The following PCDHGA8 variants were observed in gnomAD, a reference collection of about 807,000 sequenced individuals.
The protein encoded by PCDHGA8 is protocadherin gamma subfamily A, 8, also known as protocadherin gamma-A8.
In PCDHGA8, 45 loss-of-function variants were observed where a neutral mutation model predicts 59.2. The ratio of observed to expected loss-of-function variants is 0.76; its 90% CI spans 0.60 to 0.98. The LOEUF (loss-of-function observed/expected upper bound fraction) is 0.98, where lower values mean the gene tolerates loss of function less well. PCDHGA8 is among the 50% of genes least tolerant of loss of function. The pLI is 0.00. For missense variants in PCDHGA8, 1,257 were observed against 1,196.2 expected, an observed-to-expected ratio of 1.05 and a Z score of -0.75; for synonymous variants, 531 against 519.0, an observed-to-expected ratio of 1.02 and a Z score of -0.32.
At position 141,431,413 on chromosome 5, in the gene PCDHGA8, C is replaced by A; in HGVS notation, c.2424+36176C>A. ...TGGTCCTTACGGCCTCCGACGGGGG[C>A]GACCCGGTGCGCACAGGCACCGCGC... On this transcript the variant is annotated intron_variant, in intron 1 of 3. Transcript: ENST00000398604. This position sits in a 1 kb window ranked among gnomAD's most constrained non-coding sequence, Gnocchi z 4.8. The A allele has an allele frequency of 6.2e-7, 1 of 1,613,682 alleles. No homozygotes were observed. Among genetic ancestry groups the A allele is most frequent in the Non-Finnish European group, 8.5e-7 (1 of 1,180,044 alleles).
intron 1 of PCDHGA8, among the ~76,000 whole-genome samples, chr5:141,443,035 CTT>C (rs2098359592): frequency 6.6e-6 from 1 of 152,208 alleles, no homozygotes; most frequent in African/African-American, 2.4e-5. Context: ...CAGACCTAAA[CTT>C]TGAAAATTAT....
intron 1 of PCDHGA8, among the ~76,000 whole-genome samples, chr5:141,472,980 C>CAAAAAAAAAAAAAAAAGAAAAAAA (rs2099308501): frequency 2.3e-5 from 2 of 86,104 alleles, no homozygotes; most frequent in African/African-American, 7.8e-5. Flanking sequence ...GAGTGAAACT[C>CAAAAAAAAAAAAAAAAGAAAAAAA]AAAAAAAAAA....
intron 1 of PCDHGA8, chr5:141,418,614 G>C: frequency 1.2e-6 from 2 of 1,613,994 alleles, no homozygotes; most frequent in Non-Finnish European, 1.7e-6. Flanking sequence ...GTTAGCCTTC[G>C]GGAAGACGTG....
Position 141,463,645 on chromosome 5 carries a change from G to T in PCDHGA8, c.2425-31162G>T, listed in dbSNP as rs372962993. ...TTGTATTTTGTTTAGTAGAGACGGG[G>T]TTTCACCGTGTTAGCCAGGATGGTC... On this transcript the variant is annotated intron_variant, in intron 1 of 3. Transcript: ENST00000398604. 7.9e-5 allele frequency among the ~76,000 whole-genome samples: 12 copies of T among 151,840 alleles called. No individual in the cohort carries two copies. In the East Asian group the frequency reaches 2.1e-3, roughly 27 times the overall value.
At position 141,487,362 on chromosome 5, in the gene PCDHGA8, C is replaced by T; in HGVS notation, c.2425-7445C>T. On this transcript the variant is annotated intron_variant, in intron 1 of 3. Transcript: ENST00000398604. The surrounding 1 kb of genome is among the most constrained non-coding windows in gnomAD (Gnocchi z 5.0). The stretch of plus-strand genomic sequence containing the variant: ...GGAGTCACATGCTTTCCTGCTGGCA[C>T]CTGTGCCTGTCTCACCAGATCTCGA... 3 of 1,614,200 alleles carry T rather than the reference C, an allele frequency of 1.9e-6. No homozygotes were observed. Among genetic ancestry groups the T allele is most frequent in the Non-Finnish European group, 2.5e-6 (3 of 1,180,044 alleles).
rs757468959 is a variant in PCDHGA8, at chr5:141,395,139, G to A, written c.2326G>A (p.Ala776Thr). The change falls in exon 1 of 4, where the codon GCA becomes ACA. Residue 776 changes from alanine to threonine, a missense_variant. Ala to Thr is a moderately conservative substitution (Grantham distance 58). Coordinates refer to ENST00000398604, the MANE Select transcript of PCDHGA8 (RefSeq NM_032088.2). The part of the protein sequence containing the change: ...SHLIFPQPNY[A>T]DMLISQEGCE... ...CCTGATCTTTCCCCAGCCCAACTAC[G>A]CAGACATGCTCATCAGTCAGGAGGG... 10 of 1,614,026 alleles carry A rather than the reference G, an allele frequency of 6.2e-6. No homozygotes were observed. In the East Asian group the frequency reaches 1.3e-4, roughly 22 times the overall value.
At chr5:141,435,314 G>T (rs1490871069) in intron 1 of PCDHGA8, among the ~76,000 whole-genome samples, 6 of 152,006 alleles carry the variant, frequency 3.9e-5, no homozygotes, top group African/African-American at 9.7e-5. Flanking sequence ...AATCATTCAT[G>T]AACTTCCAAA....
intron 1 of PCDHGA8, chr5:141,422,849 C>A: frequency 1.2e-6 from 2 of 1,614,238 alleles, no homozygotes; most frequent in Non-Finnish European, 8.5e-7. Context: ...AGCGGGGACC[C>A]GCCCCTCAGC....
At chr5:141,497,079 C>T (rs564690352) in intron 2 of PCDHGA8, among the ~76,000 whole-genome samples, 2 of 151,982 alleles carry the variant, frequency 1.3e-5, no homozygotes, top group African/African-American at 4.8e-5. Flanking sequence ...ATCCCAGCGA[C>T]TTAGGAGGCT....
At chr5:141,509,163 C>T (rs561329093) in intron 3 of PCDHGA8, among the ~76,000 whole-genome samples, 1 of 152,204 alleles carries the variant, frequency 6.6e-6, no homozygotes, top group East Asian at 1.9e-4. Context: ...CTCCCGTGTG[C>T]CCTCCTCCTC....
At chr5:141,409,317 G>A in intron 1 of PCDHGA8, 2 of 1,613,940 alleles carry the variant, frequency 1.2e-6, no homozygotes, top group Non-Finnish European at 1.7e-6. Flanking sequence ...TTCAAAACAC[G>A]GGATCTGGAT....
At chr5:141,397,699 C>A (rs1304915257) in intron 1 of PCDHGA8, among the ~76,000 whole-genome samples, 1 of 152,158 alleles carries the variant, frequency 6.6e-6, no homozygotes, top group Non-Finnish European at 1.5e-5. Flanking sequence ...AAAAACCCAA[C>A]GTGATATTTC....
chr5:141,409,220 G>A (rs1327857530), intron 1 of PCDHGA8: 1 of 1,613,988 alleles, frequency 6.2e-7, no homozygotes, highest in Non-Finnish European at 8.5e-7. Context: ...AATCCTTGAT[G>A]AAAACGACAA....
intron 1 of PCDHGA8, among the ~76,000 whole-genome samples, chr5:141,401,123 C>A (rs1289456548): frequency 1.3e-5 from 2 of 152,156 alleles, no homozygotes; most frequent in Non-Finnish European, 2.9e-5. Flanking sequence ...GCGGTTGGAT[C>A]ACATGGTCAG....
intron 1 of PCDHGA8, chr5:141,398,109 G>T: frequency 6.3e-7 from 1 of 1,594,204 alleles, no homozygotes; most frequent in Non-Finnish European, 8.5e-7. Context: ...TGGTGAGCAA[G>T]CTGAGGAGAG....
intron 1 of PCDHGA8, chr5:141,424,465 A>G (rs564844819): frequency 1.3e-5 from 2 of 152,146 alleles, no homozygotes; most frequent in Admixed American, 6.5e-5. Context: ...ATTTCCTTTT[A>G]TTCTTTTACT....
chr5:141,429,314 C>A (rs1463397731), intron 1 of PCDHGA8, among the ~76,000 whole-genome samples: 2 of 151,722 alleles, frequency 1.3e-5, no homozygotes, highest in Admixed American at 6.6e-5. Flanking sequence ...GTATATAAGG[C>A]TTTTTCTTTA....
chr5:141,415,045 G>T, intron 1 of PCDHGA8: 1 of 1,613,538 alleles, frequency 6.2e-7, no homozygotes, highest in East Asian at 2.2e-5. Context: ...CTTCGCGGTG[G>T]GGGAGCACAC....
Position 141,418,146 on chromosome 5 carries a change from G to A in PCDHGA8, c.2424+22909G>A, listed in dbSNP as rs755513829. The A allele has an allele frequency of 1.1e-5, 18 of 1,613,970 alleles. No homozygotes were observed. In the South Asian group the frequency reaches 1.6e-4, roughly 15 times the overall value. ...GACCGAATAGACCGTGAGCAAATAT[G>A]CAAAGAGAGAAGAAGATGTGAGTTG... is the stretch of plus-strand genomic sequence containing the variant. On this transcript the variant is annotated intron_variant, in intron 1 of 3. Transcript: ENST00000398604.
Sources: gnomAD v4.1 joint callset for allele counts (sites outside exome capture counted in the v4.1 genomes callset) on GRCh38, gnomAD v4.1.1 for gene constraint, Gnocchi (gnomAD v3.1) non-coding constraint, MANE v1.5 for transcripts, NCBI Gene and HGNC (gene_info 2026-07-23, HGNC 2026-07-21) for gene names.